The following NALF1 variants were observed in gnomAD, a reference collection of about 807,000 sequenced individuals.
NALF1 encodes the protein family with sequence similarity 155 member A.
NALF1 carries 3 observed loss-of-function variants against 48.4 expected under a neutral mutation model. The ratio of observed to expected loss-of-function variants is 0.06; its 90% CI spans 0.03 to 0.16. The LOEUF is 0.16. NALF1 is among the 10% of genes least tolerant of loss of function. NALF1 has a pLI of 1.00. For synonymous variants in NALF1, 262 were observed against 245.7 expected (o/e 1.07, Z -0.62); for missense variants, 526 against 571.5 (o/e 0.92, Z 0.81).
At chr13:107,710,790 CATATATGT>C (rs1875559573) in intron 1 of NALF1, among the ~76,000 whole-genome samples, 1 of 137,916 alleles carries the variant, frequency 7.3e-6, no homozygotes, top group African/African-American at 2.7e-5. Context: ...TGTATATACA[CATATATGT>C]ATATATACAT....
At chr13:107,799,011 A>G (rs1878520306) in intron 1 of NALF1, among the ~76,000 whole-genome samples, 1 of 152,178 alleles carries the variant, frequency 6.6e-6, no homozygotes, top group Non-Finnish European at 1.5e-5. Flanking sequence ...AGCCTTAGAG[A>G]GCCCTATATA....
chr13:107,281,745 G>C (rs1003699896), intron 1 of NALF1, among the ~76,000 whole-genome samples: 6 of 152,160 alleles, frequency 3.9e-5, no homozygotes, highest in Non-Finnish European at 8.8e-5. Context: ...GCATGGCTGT[G>C]GAAGCCTCAG....
intron 1 of NALF1, among the ~76,000 whole-genome samples, chr13:107,341,376 A>T (rs1340511434): frequency 1.3e-5 from 2 of 152,048 alleles, no homozygotes; most frequent in African/African-American, 4.8e-5. Flanking sequence ...GTGTGTACAT[A>T]TGATCGAGCC....
At chr13:107,818,201 G>C (rs1879232234) in intron 1 of NALF1, among the ~76,000 whole-genome samples, 1 of 152,158 alleles carries the variant, frequency 6.6e-6, no homozygotes, top group Admixed American at 6.5e-5. Flanking sequence ...GGAGAGGTAA[G>C]CTTGCTCCCG....
chr13:107,637,198 A>G (rs1014217768), intron 1 of NALF1, among the ~76,000 whole-genome samples: 4 of 151,950 alleles, frequency 2.6e-5, no homozygotes, highest in Admixed American at 6.6e-5. Context: ...TTCTCAGAAC[A>G]TATCTTTGTT....
chr13:107,690,104 A>G (rs1239663973), intron 1 of NALF1, among the ~76,000 whole-genome samples: 1 of 152,138 alleles, frequency 6.6e-6, no homozygotes, highest in East Asian at 1.9e-4. Flanking sequence ...TTGTTCCTAT[A>G]TTTTTTACAC....
Position 107,443,528 on chromosome 13 carries a change from T to G in NALF1, c.916-232773A>C, listed in dbSNP as rs576386131. On this transcript the variant is annotated intron_variant, in intron 1 of 2. Coordinates refer to ENST00000375915, the MANE Select transcript of NALF1 (RefSeq NM_001080396.3). ...CACCATGCCCAGCCTACAATATATA[T>G]TTAAATGTTAATGTTTATTTGTGAG... Among the ~76,000 whole-genome samples the G allele has an allele frequency of 6.6e-5, 10 of 152,306 alleles. No homozygotes were observed. The South Asian group carries it at 2.1e-3, about 32-fold the overall frequency.
chr13:107,566,314 C>G (rs1327210480), intron 1 of NALF1, among the ~76,000 whole-genome samples: 1 of 152,120 alleles, frequency 6.6e-6, no homozygotes, highest in East Asian at 1.9e-4. Context: ...TGTGCAATAA[C>G]TAATATAAAC....
At chr13:107,252,511 AAAAG>A (rs1880724219) in intron 1 of NALF1, among the ~76,000 whole-genome samples, 1 of 151,878 alleles carries the variant, frequency 6.6e-6, no homozygotes, top group Non-Finnish European at 1.5e-5. Context: ...GGGAAGGGGA[AAAAG>A]AAAGAAGGAG....
At chr13:107,213,903 G>A (rs1411098208) in intron 1 of NALF1, among the ~76,000 whole-genome samples, 2 of 152,144 alleles carry the variant, frequency 1.3e-5, no homozygotes, top group Admixed American at 6.5e-5. Flanking sequence ...TCTCGTGTCT[G>A]AGAAACGGCC....
chr13:107,677,757 T>C (rs1381986770), intron 1 of NALF1, among the ~76,000 whole-genome samples: 1 of 152,196 alleles, frequency 6.6e-6, no homozygotes, highest in African/African-American at 2.4e-5. Context: ...CATATTATTC[T>C]GTCAATGTAT....
intron 1 of NALF1, among the ~76,000 whole-genome samples, chr13:107,406,156 T>C (rs1473494428): frequency 1.3e-5 from 2 of 152,072 alleles, no homozygotes; most frequent in South Asian, 2.1e-4. Flanking sequence ...CACACTTCCT[T>C]TGTGAAGTCA....
intron 1 of NALF1, among the ~76,000 whole-genome samples, chr13:107,540,662 A>G (rs1876974173): frequency 6.6e-6 from 1 of 152,138 alleles, no homozygotes; most frequent in Admixed American, 6.6e-5. Context: ...TTTCATTAGG[A>G]GTAAAAATCA....
intron 1 of NALF1, among the ~76,000 whole-genome samples, chr13:107,647,086 G>A (rs1480861557): frequency 6.6e-6 from 1 of 152,034 alleles, no homozygotes; most frequent in Non-Finnish European, 1.5e-5. Context: ...ATATCCTAAA[G>A]AGACTGGTTA....
chr13:107,217,551 CTG>C (rs1566454419), intron 1 of NALF1, among the ~76,000 whole-genome samples: 1 of 152,168 alleles, frequency 6.6e-6, no homozygotes, highest in Non-Finnish European at 1.5e-5. Context: ...CTCTCTTTCT[CTG>C]TCTCTCTCTT....
At chr13:107,348,687 T>C (rs1882818141) in intron 1 of NALF1, among the ~76,000 whole-genome samples, 1 of 151,300 alleles carries the variant, frequency 6.6e-6, no homozygotes, top group Non-Finnish European at 1.5e-5. Context: ...AGTCAGAACA[T>C]CTTAACCATT....
chr13:107,205,238 A>G (rs1024510281), intron 2 of NALF1, among the ~76,000 whole-genome samples: 2 of 149,292 alleles, frequency 1.3e-5, no homozygotes, highest in African/African-American at 5.0e-5. Context: ...ATTCCCACCT[A>G]TGAGAACATC....
intron 1 of NALF1, among the ~76,000 whole-genome samples, chr13:107,455,450 C>T (rs1884808799): frequency 6.6e-6 from 1 of 152,176 alleles, no homozygotes; most frequent in South Asian, 2.1e-4. Flanking sequence ...TGTGACCACA[C>T]CCATGTACAA....
intron 1 of NALF1, among the ~76,000 whole-genome samples, chr13:107,666,206 C>T (rs140162572): frequency 2.3e-4 from 35 of 152,158 alleles, no homozygotes; most frequent in Non-Finnish European, 3.8e-4. Context: ...TCATAATAAC[C>T]GGATGTTATT....
Sources: allele counts gnomAD v4.1 joint callset (sites outside exome capture counted in the v4.1 genomes callset), GRCh38; gene constraint gnomAD v4.1.1; transcripts MANE v1.5; gene names NCBI Gene and HGNC (gene_info 2026-07-23, HGNC 2026-07-21).